ANKFN1: variants seen among roughly 807,000 people sequenced by gnomAD.
ANKFN1 encodes ankyrin repeat and fibronectin type-III domain-containing protein 1.
ANKFN1 carries 74 observed loss-of-function variants against 108.7 expected under a neutral mutation model. That is an observed-to-expected ratio of 0.68 (90% confidence interval 0.56 to 0.83). The LOEUF (loss-of-function observed/expected upper bound fraction) is 0.83, where lower values mean the gene tolerates loss of function less well. Ranked by LOEUF, ANKFN1 falls within the 40% of genes least tolerant of loss-of-function variation. The pLI is 0.00. For synonymous variants in ANKFN1, 547 were observed against 516.2 expected, an observed-to-expected ratio of 1.06 and a Z score of -0.81; for missense variants, 1,505 against 1,382.3, an observed-to-expected ratio of 1.09 and a Z score of -1.41.
chr17:56,144,869 G>C (rs1035184621), intron 4 of ANKFN1, among the ~76,000 whole-genome samples: 5 of 152,168 alleles, frequency 3.3e-5, no homozygotes, highest in Non-Finnish European at 7.4e-5. Flanking sequence ...CATTTTACAG[G>C]TGACAAACAG....
At chr17:56,257,323 G>A (rs888094243) in intron 3 of ANKFN1, among the ~76,000 whole-genome samples, 5 of 152,316 alleles carry the variant, frequency 3.3e-5, no homozygotes, top group Non-Finnish European at 7.3e-5. Flanking sequence ...GCATCTATAG[G>A]AGTCACTGTT....
rs79429072 is a variant in ANKFN1, at chr17:56,481,779, G to A, written c.2092-577G>A. On this transcript the variant is annotated intron_variant, in intron 17 of 20. Transcript: ENST00000682825. ...CAACTGGATTATTCTAAAGGTGGCC[G>A]TGTGTTCACTAGGAGAAAAAAAAGT... 6.5e-3 allele frequency among the ~76,000 whole-genome samples: 985 copies of A among 152,218 alleles called. 9 individuals carry two copies. The highest frequency in any genetic ancestry group is 0.022 in the African/African-American group (916 of 41,530).
At chr17:56,275,192 G>A (rs1282773407) in intron 3 of ANKFN1, among the ~76,000 whole-genome samples, 1 of 152,122 alleles carries the variant, frequency 6.6e-6, no homozygotes, top group Non-Finnish European at 1.5e-5. Flanking sequence ...TGAGCATAAT[G>A]CATGACAGTG....
intron 3 of ANKFN1, among the ~76,000 whole-genome samples, chr17:56,272,041 T>G (rs143663484): frequency 6.6e-6 from 1 of 152,192 alleles, no homozygotes; most frequent in African/African-American, 2.4e-5. Context: ...CCAGAAAACA[T>G]GGTTTTGTTA....
At chr17:56,253,597 G>T (rs1383716656) in intron 3 of ANKFN1, among the ~76,000 whole-genome samples, 1 of 152,128 alleles carries the variant, frequency 6.6e-6, no homozygotes, top group African/African-American at 2.4e-5. Context: ...AATTAGCAGG[G>T]CATGGTGGCA....
intron 3 of ANKFN1, among the ~76,000 whole-genome samples, chr17:56,254,555 C>T (rs1224005796): frequency 3.3e-5 from 5 of 152,222 alleles, no homozygotes; most frequent in African/African-American, 1.2e-4. Flanking sequence ...GCATTTCCAG[C>T]AGTCTAATTT....
At chr17:56,294,630 G>GT (rs2044457186) in intron 3 of ANKFN1, among the ~76,000 whole-genome samples, 1 of 152,198 alleles carries the variant, frequency 6.6e-6, no homozygotes, top group African/African-American at 2.4e-5. Flanking sequence ...TACCAGAATA[G>GT]TTCAAGACAC....
At chr17:56,138,780 G>A (rs1434618351) in intron 4 of ANKFN1, among the ~76,000 whole-genome samples, 1 of 151,948 alleles carries the variant, frequency 6.6e-6, no homozygotes. Context: ...CAAAGTGCTA[G>A]GATTATAAGT....
intron 8 of ANKFN1, among the ~76,000 whole-genome samples, chr17:56,391,801 A>G (rs1346575082): frequency 6.6e-6 from 1 of 152,130 alleles, no homozygotes; most frequent in Non-Finnish European, 1.5e-5. Context: ...TCAAGTTTTT[A>G]ATATCTATCC....
chr17:56,130,158 C>A (rs1303326725), intron 4 of ANKFN1, among the ~76,000 whole-genome samples: 2 of 152,202 alleles, frequency 1.3e-5, no homozygotes, highest in African/African-American at 2.4e-5. Flanking sequence ...GGTTGTTAAA[C>A]CTCTCCCAGG....
At chr17:56,300,419 A>G (rs2044639604) in intron 3 of ANKFN1, among the ~76,000 whole-genome samples, 1 of 152,038 alleles carries the variant, frequency 6.6e-6, no homozygotes, top group Admixed American at 6.6e-5. Context: ...TTCCCCCCTT[A>G]ATTTTTAAGC....
intron 10 of ANKFN1, among the ~76,000 whole-genome samples, chr17:56,445,426 A>G (rs1405889085): frequency 6.6e-6 from 1 of 152,244 alleles, no homozygotes; most frequent in East Asian, 1.9e-4. Context: ...CAGGACTGGG[A>G]GGAGTCACTT....
At chr17:56,450,920 A>G (rs1352642749) in intron 11 of ANKFN1, among the ~76,000 whole-genome samples, 1 of 152,202 alleles carries the variant, frequency 6.6e-6, no homozygotes, top group Non-Finnish European at 1.5e-5. Context: ...TATAGTTTCC[A>G]TCCAACTTCT....
intron 3 of ANKFN1, among the ~76,000 whole-genome samples, chr17:56,315,658 C>T (rs1048681103): frequency 2.6e-5 from 4 of 152,174 alleles, no homozygotes; most frequent in Non-Finnish European, 4.4e-5. Flanking sequence ...GAGTATTTGG[C>T]ATATGCAGTC....
At chr17:56,214,195 C>T (rs985152793) in intron 2 of ANKFN1, among the ~76,000 whole-genome samples, 1 of 152,194 alleles carries the variant, frequency 6.6e-6, no homozygotes, top group Non-Finnish European at 1.5e-5. Flanking sequence ...TATCCTGAAA[C>T]CTCTAGGGAT....
intron 4 of ANKFN1, among the ~76,000 whole-genome samples, chr17:56,068,686 T>C (rs1359841379): frequency 1.3e-5 from 2 of 152,208 alleles, no homozygotes; most frequent in Non-Finnish European, 1.5e-5. Flanking sequence ...ACCGTTTACA[T>C]TGCAGGATAA....
At chr17:56,462,382 G>A (rs2049932271) in intron 14 of ANKFN1, among the ~76,000 whole-genome samples, 2 of 152,290 alleles carry the variant, frequency 1.3e-5, no homozygotes, top group South Asian at 4.1e-4. Context: ...ATCACCTGTG[G>A]TCGGGAGTTC....
At chr17:56,201,276 GTTC>G (rs1230137422) in intron 1 of ANKFN1, among the ~76,000 whole-genome samples, 3 of 152,110 alleles carry the variant, frequency 2.0e-5, no homozygotes, top group Non-Finnish European at 4.4e-5. Context: ...TTACATCGCT[GTTC>G]TTCTACCTAG....
At position 56,516,126 on chromosome 17, in the gene ANKFN1, G is replaced by A. The variant is rs2051908780; in HGVS notation, c.*4857G>A. 6.6e-6 allele frequency among the ~76,000 whole-genome samples: 1 copy of A among 152,124 alleles called. No individual in the cohort carries two copies. The highest frequency in any genetic ancestry group is 1.5e-5 in the Non-Finnish European group (1 of 68,030). On this transcript the variant is annotated 3_prime_UTR_variant, in exon 21 of 21. Transcript: ENST00000682825. Reference sequence around the variant, plus strand: ...ACCCTCCAGTGACTGATTTTCAAAAGCCAAGTGTGGCAAATTATAGTAAGT... The same window carrying A: ...ACCCTCCAGTGACTGATTTTCAAAAACCAAGTGTGGCAAATTATAGTAAGT...
Sources: gnomAD v4.1 joint callset for allele counts (sites outside exome capture counted in the v4.1 genomes callset) on GRCh38, gnomAD v4.1.1 for gene constraint, MANE v1.5 for transcripts, NCBI Gene and HGNC (gene_info 2026-07-23, HGNC 2026-07-21) for gene names.